The following WRN variants were observed in gnomAD, a reference collection of about 807,000 sequenced individuals.
WRN encodes the protein WRN RecQ like helicase.
In WRN, 149 loss-of-function variants were observed where a neutral mutation model predicts 180.7. That is an observed-to-expected ratio of 0.82 (90% CI 0.72 to 0.94). WRN has a LOEUF of 0.94. Among genes scored for constraint, WRN ranks in the 40% least tolerant of loss-of-function variants. The pLI is 0.00. For missense variants in WRN, 1,661 were observed against 1,700.1 expected (o/e 0.98, Z 0.40); for synonymous variants, 548 against 568.9 (o/e 0.96, Z 0.52).
intron 17 of WRN, among the ~76,000 whole-genome samples, chr8:31,099,564 TG>T (rs1814131510): frequency 2.7e-5 from 4 of 150,232 alleles, no homozygotes; most frequent in African/African-American, 1.0e-4. Flanking sequence ...TTTGTTTGTT[TG>T]TTTGTTTTTT....
intron 34 of WRN, among the ~76,000 whole-genome samples, chr8:31,171,737 G>C (rs911666060): frequency 1.3e-5 from 2 of 152,102 alleles, no homozygotes; most frequent in African/African-American, 4.8e-5. Flanking sequence ...TTCTGCCAAG[G>C]ATCTTTTGCT....
chr8:31,122,593 C>T (rs1229999657), intron 21 of WRN, among the ~76,000 whole-genome samples: 3 of 151,800 alleles, frequency 2.0e-5, no homozygotes, highest in East Asian at 1.9e-4. Context: ...AATCTCGGTC[C>T]GGTAGATCTT....
Position 31,125,000 on chromosome 8 carries a change from G to A in WRN, c.2825G>A (p.Arg942Lys), listed in dbSNP as rs772600753. The A allele has an allele frequency of 1.9e-6, 3 of 1,611,800 alleles. No homozygotes were observed. The highest frequency in any genetic ancestry group is 1.3e-5 in the African/African-American group (1 of 74,828). Residue 942 changes from arginine (R) to lysine (K), a missense_variant and splice_region_variant, in exon 23 of 35, where the codon AGA (arginine) becomes AAA (lysine). Arg to Lys is a conservative substitution (Grantham distance 26). Around this residue, in one of 3 missense-constraint regions of WRN, gnomAD observed 1,141 missense variants for 1,149.4 expected, o/e 0.99. Transcript: ENST00000298139. Reference sequence around the variant, plus strand: ...AAATGCTGTGATAATTGCAGGTCCAGGTAAAGATTTCTTATTATAGATGGA... The same window carrying A: ...AAATGCTGTGATAATTGCAGGTCCAAGTAAAGATTTCTTATTATAGATGGA... ...TEKCCDNCRSRLDHCYSMDDS... is the reference protein window; with the variant it reads ...TEKCCDNCRSKLDHCYSMDDS...
intron 33 of WRN, among the ~76,000 whole-genome samples, chr8:31,159,291 G>A (rs376664303): frequency 1.3e-5 from 2 of 151,682 alleles, no homozygotes; most frequent in African/African-American, 4.8e-5. Flanking sequence ...CACCCAGAGT[G>A]AGAACCTGTC....
In WRN at chr8:31,064,438, GGT is replaced by G; in HGVS notation, c.355+5_355+6del. ...TTCCACGTTTCTTCCATGTCAGGTTGGTATCTCTACATTTCATTTTTATATGG... is the reference window on the plus strand; with the variant it reads ...TTCCACGTTTCTTCCATGTCAGGTTGATCTCTACATTTCATTTTTATATGG... On this transcript the variant is annotated splice_donor_5th_base_variant and intron_variant, in intron 4 of 34. Coordinates refer to ENST00000298139, the MANE Select transcript of WRN (RefSeq NM_000553.6). 1.2e-6 allele frequency: 2 copies of G among 1,613,838 alleles called. No homozygotes were observed. Among genetic ancestry groups the G allele is most frequent in the Non-Finnish European group, 1.7e-6 (2 of 1,179,934 alleles).
intron 17 of WRN, among the ~76,000 whole-genome samples, chr8:31,098,666 A>C (rs1419389542): frequency 6.6e-6 from 1 of 152,226 alleles, no homozygotes; most frequent in Non-Finnish European, 1.5e-5. Context: ...TCTGACATTT[A>C]GCTAATCAGA....
chr8:31,096,733 T>C, intron 16 of WRN, 35 bp from the exon 17 acceptor site: 1 of 1,517,410 alleles, frequency 6.6e-7, no homozygotes, highest in Non-Finnish European at 9.0e-7. Context: ...TTCCTGTTTT[T>C]TTTTTTTTCT....
intron 34 of WRN, among the ~76,000 whole-genome samples, chr8:31,168,038 G>C (rs1228979434): frequency 6.6e-6 from 1 of 151,976 alleles, no homozygotes; most frequent in Non-Finnish European, 1.5e-5. Flanking sequence ...TTAGTTCTAA[G>C]GTAATCTTTA....
In WRN at chr8:31,167,044, C is replaced by G; in HGVS notation, c.4005C>G (p.Ile1335Met). Reference sequence around the variant, plus strand: ...CAGATATGAGTAAAATTAGCCTAATCAGAATGTTAGTTCCTGAAAACATTG... The same window carrying G: ...CAGATATGAGTAAAATTAGCCTAATGAGAATGTTAGTTCCTGAAAACATTG... ...VNSDMSKISL[I>M]RMLVPENIDT... The change falls in exon 34 of 35, where the codon ATC (isoleucine) becomes ATG (methionine). Residue 1335 changes from isoleucine to methionine, a missense_variant. Coordinates refer to ENST00000298139, the MANE Select transcript of WRN (RefSeq NM_000553.6). 6.2e-7 allele frequency: 1 copy of G among 1,612,906 alleles called. No homozygotes were observed. The highest frequency in any genetic ancestry group is 1.1e-5 in the South Asian group (1 of 90,990).
intron 8 of WRN, 100 bp from the exon 9 acceptor site, chr8:31,080,767 G>C: frequency 1.0e-6 from 1 of 972,870 alleles, no homozygotes; most frequent in Non-Finnish European, 1.5e-6. Flanking sequence ...TTTAAGTGAA[G>C]GTCAGCTTAG....
intron 17 of WRN, among the ~76,000 whole-genome samples, chr8:31,097,185 T>G (rs901164159): frequency 1.3e-5 from 2 of 152,238 alleles, no homozygotes; most frequent in African/African-American, 4.8e-5. Flanking sequence ...TTAAACATAT[T>G]GTTGAATGAA....
chr8:31,125,971 A>AATATATATATATATATAT (rs55952524), intron 23 of WRN, among the ~76,000 whole-genome samples: 25 of 145,646 alleles, frequency 1.7e-4, no homozygotes, highest in African/African-American at 5.9e-4. Context: ...CATCATCCTA[A>AATATATATATATATATAT]ATATATATAT....
chr8:31,169,431 G>A (rs891407950), intron 34 of WRN, among the ~76,000 whole-genome samples: 2 of 151,070 alleles, frequency 1.3e-5, no homozygotes, highest in African/African-American at 2.4e-5. Flanking sequence ...TTCTTTCTTC[G>A]GTTTTCCCCC....
rs771180836 is a variant in WRN, at chr8:31,116,382, A to G, written c.2302A>G (p.Ile768Val). The G allele has an allele frequency of 1.1e-5, 17 of 1,613,982 alleles. No individual in the cohort carries two copies. Among genetic ancestry groups the G allele is most frequent in the South Asian group, 5.5e-5 (5 of 91,074 alleles). Residue 768 changes from isoleucine to valine, a missense_variant, in exon 20 of 35, where the codon ATC becomes GTC. Physicochemically the swap from Ile to Val is conservative, Grantham distance 29. Transcript: ENST00000298139. ...CCACTGGGAATTTGAAGGTCCAACA[A>G]TCATCTACTGTCCTTCTAGAAAAAT... is the stretch of plus-strand genomic sequence containing the variant. ...SSHWEFEGPTIIYCPSRKMTQ... is the reference protein window; with the variant it reads ...SSHWEFEGPTVIYCPSRKMTQ...
intron 1 of WRN, among the ~76,000 whole-genome samples, chr8:31,049,853 T>C (rs1812020169): frequency 6.6e-6 from 1 of 152,058 alleles, no homozygotes; most frequent in South Asian, 2.1e-4. Flanking sequence ...GTAATTATAG[T>C]TTAAAAGAAG....
At chr8:31,078,900 G>A (rs1813197762) in intron 8 of WRN, among the ~76,000 whole-genome samples, 1 of 152,184 alleles carries the variant, frequency 6.6e-6, no homozygotes, top group African/African-American at 2.4e-5. Context: ...ATTCCCTGAT[G>A]TCAGGGCCTG....
intron 11 of WRN, chr8:31,087,574 C>A (rs1424652826): frequency 1.9e-6 from 1 of 522,360 alleles, no homozygotes; most frequent in South Asian, 2.1e-5. Flanking sequence ...TGGAAATGTT[C>A]CATCTTTGGC....
rs1266791868 is a variant in WRN at position 31,175,616 on chromosome 8, G to T, written c.*2514G>T. Among the ~76,000 whole-genome samples, 1 of 152,108 alleles carries T rather than the reference G, an allele frequency of 6.6e-6. No individual in the cohort carries two copies. The highest frequency in any genetic ancestry group is 2.4e-5 in the African/African-American group (1 of 41,408). On this transcript the variant is annotated 3_prime_UTR_variant, in exon 35 of 35. Coordinates refer to ENST00000298139, the MANE Select transcript of WRN (RefSeq NM_000553.6). ...GTCCACTTTTTGGTAAAATTTCAGA[G>T]AACAATGTCCACCATTATCTGAACA...
intron 21 of WRN, among the ~76,000 whole-genome samples, chr8:31,122,789 A>G (rs956428967): frequency 2.0e-5 from 3 of 150,590 alleles, no homozygotes; most frequent in Non-Finnish European, 4.4e-5. Flanking sequence ...GATTAGTTAA[A>G]TGTAGGTCAT....
Sources: gnomAD v4.1 joint callset for allele counts (sites outside exome capture counted in the v4.1 genomes callset) on GRCh38, gnomAD v4.1.1 for gene constraint, gnomAD v4.1.1 regional missense constraint, MANE v1.5 for transcripts, NCBI Gene and HGNC (gene_info 2026-07-23, HGNC 2026-07-21) for gene names.